The following CTNNA2 variants were observed in gnomAD, a reference collection of about 807,000 sequenced individuals.
The protein encoded by CTNNA2 is catenin alpha-2.
A neutral mutation model predicts 101.0 loss-of-function variants in CTNNA2; 42 were observed. The ratio of observed to expected loss-of-function variants is 0.42; its 90% CI spans 0.32 to 0.54. The LOEUF (loss-of-function observed/expected upper bound fraction) is 0.54. Ranked by LOEUF, CTNNA2 falls within the 20% of genes least tolerant of loss-of-function variation. The pLI is 0.14. For synonymous variants in CTNNA2, 450 were observed against 456.4 expected, an observed-to-expected ratio of 0.99 and a Z score of 0.18; for missense variants, 871 against 1,223.1, an observed-to-expected ratio of 0.71 and a Z score of 4.29.
At chr2:80,063,331 T>C (rs1337720419) in intron 7 of CTNNA2, among the ~76,000 whole-genome samples, 1 of 152,244 alleles carries the variant, frequency 6.6e-6, no homozygotes, top group Non-Finnish European at 1.5e-5. Context: ...CCCATTGTTT[T>C]CTAATAAGAT....
At chr2:79,659,103 C>T (rs1038337215) in intron 2 of CTNNA2, among the ~76,000 whole-genome samples, 8 of 151,752 alleles carry the variant, frequency 5.3e-5, no homozygotes, top group African/African-American at 1.9e-4. Context: ...CAATTAAAAT[C>T]AGGGAAACAG....
In CTNNA2 at chr2:80,135,907, G is replaced by A. The variant is rs116391653; in HGVS notation, c.1056+226110G>A. Among the ~76,000 whole-genome samples, 792 of 152,182 alleles carry A rather than the reference G, an allele frequency of 5.2e-3. 6 individuals are homozygous for A. The highest frequency in any genetic ancestry group is 0.018 in the African/African-American group (757 of 41,508). ...TAACCCCAGGGGTAGGAGGATGGTG[G>A]TATAAAACATACTCACTGTCCATGC... is the stretch of plus-strand genomic sequence containing the variant. On this transcript the variant is annotated intron_variant, in intron 7 of 18. Transcript: ENST00000402739.
At chr2:79,703,362 A>C (rs2104767779) in intron 2 of CTNNA2, among the ~76,000 whole-genome samples, 1 of 152,302 alleles carries the variant, frequency 6.6e-6, no homozygotes, top group South Asian at 2.1e-4. Flanking sequence ...TGATTGTAAT[A>C]AGTTGAACTG....
chr2:79,369,234 AT>A (rs1473210345), intron 3 of CTNNA2, among the ~76,000 whole-genome samples: 1 of 152,150 alleles, frequency 6.6e-6, no homozygotes, highest in Admixed American at 6.5e-5. Context: ...AACAAGAGCC[AT>A]TTTTAGATTC....
At chr2:79,926,568 A>G (rs1687033803) in intron 7 of CTNNA2, among the ~76,000 whole-genome samples, 1 of 152,100 alleles carries the variant, frequency 6.6e-6, no homozygotes, top group South Asian at 2.1e-4. Context: ...CAGGCTGTTC[A>G]TATTTTCTTT....
chr2:80,348,313 C>G (rs1175146780), intron 7 of CTNNA2, among the ~76,000 whole-genome samples: 1 of 152,090 alleles, frequency 6.6e-6, no homozygotes, highest in Non-Finnish European at 1.5e-5. Context: ...TTATTCTAGA[C>G]CAGTCAAAAG....
At chr2:79,804,990 G>A (rs968523298) in intron 3 of CTNNA2, among the ~76,000 whole-genome samples, 1 of 152,172 alleles carries the variant, frequency 6.6e-6, no homozygotes, top group Admixed American at 6.5e-5. Flanking sequence ...GGGGAGCGGG[G>A]TCACCATGAC....
intron 3 of CTNNA2, among the ~76,000 whole-genome samples, chr2:79,777,991 T>G (rs1440930585): frequency 6.6e-6 from 1 of 151,388 alleles, no homozygotes; most frequent in Non-Finnish European, 1.5e-5. Flanking sequence ...GATTGCATGA[T>G]CTGTCTATAT....
chr2:79,611,057 A>G (rs1558770011), intron 1 of CTNNA2, among the ~76,000 whole-genome samples: 1 of 152,158 alleles, frequency 6.6e-6, no homozygotes, highest in East Asian at 1.9e-4. Context: ...AAAGTTTCAG[A>G]TAAACAAAAC....
intron 9 of CTNNA2, among the ~76,000 whole-genome samples, chr2:80,529,486 A>G (rs1447820971): frequency 6.6e-6 from 1 of 152,214 alleles, no homozygotes; most frequent in East Asian, 1.9e-4. Flanking sequence ...ATTATTGCTT[A>G]TTTAACTAAG....
chr2:79,236,149 G>A (rs571008581), intron 2 of CTNNA2, among the ~76,000 whole-genome samples: 1 of 152,304 alleles, frequency 6.6e-6, no homozygotes, highest in East Asian at 1.9e-4. Context: ...GCCTGCTTAT[G>A]AGAAATGGGG....
At chr2:79,578,224 T>C (rs1050436770) in intron 1 of CTNNA2, among the ~76,000 whole-genome samples, 6 of 152,226 alleles carry the variant, frequency 3.9e-5, no homozygotes, top group African/African-American at 1.4e-4. Context: ...GTGTTTTTTT[T>C]CCTATTAGTT....
At chr2:79,443,903 ACT>A (rs3979544) in intron 4 of CTNNA2, among the ~76,000 whole-genome samples, 55,321 of 141,516 alleles carry the variant, frequency 0.39, 11,576 homozygotes, top group Middle Eastern at 0.51. Context: ...TTGTATACAT[ACT>A]CTCTCTCTCT....
chr2:80,632,876 C>T (rs1485332828), intron 18 of CTNNA2, among the ~76,000 whole-genome samples: 4 of 152,160 alleles, frequency 2.6e-5, no homozygotes, highest in Non-Finnish European at 2.9e-5. Flanking sequence ...GAATAACTCA[C>T]AAAAGTATAT....
intron 2 of CTNNA2, among the ~76,000 whole-genome samples, chr2:79,308,393 T>C (rs1473657149): frequency 6.6e-6 from 1 of 152,160 alleles, no homozygotes; most frequent in Non-Finnish European, 1.5e-5. Flanking sequence ...GCTGTTGAGA[T>C]GTTTGAGCTT....
rs548224356 is a variant in CTNNA2, at chr2:80,401,167, A to G, written c.1137+7876A>G. On this transcript the variant is annotated intron_variant, in intron 8 of 18. Coordinates refer to ENST00000402739, the MANE Select transcript of CTNNA2 (RefSeq NM_001282597.3). ...GTTTAGTTGTTTATTTGTTTTTGCC[A>G]GTGCTCATGTCTTTCTAGTCTTTGT... Among the ~76,000 whole-genome samples the G allele has an allele frequency of 5.9e-5, 9 of 152,258 alleles. No individual in the cohort carries two copies. The South Asian group carries it at 1.9e-3, about 32-fold the overall frequency.
At chr2:79,526,036 T>C (rs1046024276) in intron 1 of CTNNA2, among the ~76,000 whole-genome samples, 4 of 152,018 alleles carry the variant, frequency 2.6e-5, no homozygotes, top group African/African-American at 9.6e-5. Context: ...AATCCAGGTG[T>C]ATACGTTTTA....
At chr2:79,940,181 A>C (rs2104453654) in intron 7 of CTNNA2, among the ~76,000 whole-genome samples, 1 of 152,352 alleles carries the variant, frequency 6.6e-6, no homozygotes, top group East Asian at 1.9e-4. Flanking sequence ...TAAATTAGAT[A>C]GTGTTAGAAT....
chr2:79,306,262 A>C (rs976567394), intron 2 of CTNNA2, among the ~76,000 whole-genome samples: 10 of 152,148 alleles, frequency 6.6e-5, no homozygotes, highest in African/African-American at 2.4e-4. Flanking sequence ...TTTCAGTTAG[A>C]CAGGAGGAGT....
Sources: allele counts gnomAD v4.1 joint callset (sites outside exome capture counted in the v4.1 genomes callset), GRCh38; gene constraint gnomAD v4.1.1; transcripts MANE v1.5; gene names NCBI Gene and HGNC (gene_info 2026-07-23, HGNC 2026-07-21).